The following ANO6 variants were observed in gnomAD, a reference collection of about 807,000 sequenced individuals.
ANO6 encodes anoctamin-6.
ANO6 carries 106 observed loss-of-function variants against 117.5 expected under a neutral mutation model. The observed-to-expected ratio is 0.90, with a 90% CI of 0.77 to 1.06. The LOEUF (loss-of-function observed/expected upper bound fraction) is 1.06. ANO6 is among the 50% of genes least tolerant of loss of function. ANO6 has a pLI of 0.00. For missense variants in ANO6, 955 were observed against 1,121.1 expected, an observed-to-expected ratio of 0.85 and a Z score of 2.12; for synonymous variants, 367 against 385.1, an observed-to-expected ratio of 0.95 and a Z score of 0.55.
rs948636227 is a variant in ANO6 at position 45,258,104 on chromosome 12, A to G, written c.70+41713A>G. 4.6e-5 allele frequency among the ~76,000 whole-genome samples: 7 copies of G among 152,348 alleles called. No homozygotes were observed. In the East Asian group the frequency reaches 1.3e-3, roughly 29 times the overall value. ...TGGAATCTCTCAGCTCTGCTATTAA[A>G]TACATATTAATCAGTCGTGTGGTGT... On this transcript the variant is annotated intron_variant, in intron 1 of 19. Coordinates refer to ENST00000320560, the MANE Select transcript of ANO6 (RefSeq NM_001025356.3).
chr12:45,416,640 A>G, intron 16 of ANO6, 59 bp from the exon 17 acceptor site: 1 of 1,547,822 alleles, frequency 6.5e-7, no homozygotes, highest in East Asian at 2.3e-5. Flanking sequence ...AGAGTAAAGG[A>G]AAATATGTTG....
chr12:45,378,642 A>G (rs1428851406), intron 10 of ANO6, among the ~76,000 whole-genome samples: 2 of 152,190 alleles, frequency 1.3e-5, no homozygotes, highest in East Asian at 1.9e-4. Context: ...AGTAAGTCAT[A>G]TGGCCAAACC....
chr12:45,398,568 T>C (rs2137616425), intron 12 of ANO6, among the ~76,000 whole-genome samples: 1 of 152,320 alleles, frequency 6.6e-6, no homozygotes, highest in African/African-American at 2.4e-5. Context: ...AAAAGTAAGA[T>C]TTTTTCACAT....
chr12:45,377,811 G>T (rs1270154903), intron 9 of ANO6, among the ~76,000 whole-genome samples: 1 of 152,174 alleles, frequency 6.6e-6, no homozygotes, highest in East Asian at 1.9e-4. Flanking sequence ...ATTGGGATAT[G>T]CAGAGTTTCA....
chr12:45,334,208 C>T lies in ANO6; in HGVS notation c.279+2785C>T, dbSNP rs187781044. On this transcript the variant is annotated intron_variant, in intron 3 of 19. Coordinates refer to ENST00000320560, the MANE Select transcript of ANO6 (RefSeq NM_001025356.3). Reference sequence around the variant, plus strand: ...GATTGTAAGTTGCTTCAGCAACAAACGCTCGTTTAGTCTGTACTGGGCTTG... The same window carrying T: ...GATTGTAAGTTGCTTCAGCAACAAATGCTCGTTTAGTCTGTACTGGGCTTG... 6.6e-5 allele frequency among the ~76,000 whole-genome samples: 10 copies of T among 152,154 alleles called. No homozygotes were observed. The East Asian group carries it at 1.4e-3, about 21-fold the overall frequency.
downstream of ANO6, among the ~76,000 whole-genome samples, chr12:45,433,486 A>T (rs887372358): frequency 2.6e-5 from 4 of 152,192 alleles, no homozygotes; most frequent in African/African-American, 9.7e-5. Flanking sequence ...ATGATGACAG[A>T]TAAATCCTGG....
chr12:45,327,517 CT>C (rs1160577195), intron 2 of ANO6, among the ~76,000 whole-genome samples: 1 of 152,200 alleles, frequency 6.6e-6, no homozygotes, highest in Non-Finnish European at 1.5e-5. Context: ...AAATTGGAGA[CT>C]ACTTCTGTGC....
At chr12:45,378,197 G>C in intron 10 of ANO6, 84 bp downstream of exon 10, 1 of 1,370,120 alleles carries the variant, frequency 7.3e-7, no homozygotes, top group Non-Finnish European at 1.0e-6. Context: ...CCCACTTTTA[G>C]GATCTTGTAT....
At chr12:45,361,403 T>C (rs148811651) in intron 8 of ANO6, among the ~76,000 whole-genome samples, 1 of 152,256 alleles carries the variant, frequency 6.6e-6, no homozygotes, top group African/African-American at 2.4e-5. Context: ...TGCTGCAACC[T>C]TGCTAAACTG....
intron 1 of ANO6, among the ~76,000 whole-genome samples, chr12:45,254,740 C>T (rs1168050913): frequency 6.6e-6 from 1 of 152,034 alleles, no homozygotes; most frequent in African/African-American, 2.4e-5. Flanking sequence ...GAAAATTTCC[C>T]AGAATTACAG....
At chr12:45,314,160 C>T (rs4768606) in intron 2 of ANO6, among the ~76,000 whole-genome samples, 137,914 of 152,018 alleles carry the variant, frequency 0.91, 63,440 homozygotes, top group Non-Finnish European at 0.99. Context: ...TTGTAGTTCT[C>T]GCCCTGGCTG....
chr12:45,368,723 G>A (rs182424013), intron 9 of ANO6, among the ~76,000 whole-genome samples: 1 of 152,270 alleles, frequency 6.6e-6, no homozygotes, highest in East Asian at 1.9e-4. Context: ...GTTCTACCAT[G>A]AGAGTTTAGG....
At chr12:45,423,349 G>C (rs1184517093) in intron 19 of ANO6, among the ~76,000 whole-genome samples, 1 of 152,190 alleles carries the variant, frequency 6.6e-6, no homozygotes, top group Non-Finnish European at 1.5e-5. Flanking sequence ...GGCTATGAAA[G>C]GGCTTATGCA....
intron 2 of ANO6, among the ~76,000 whole-genome samples, chr12:45,328,344 C>G (rs1054354253): frequency 6.6e-6 from 1 of 152,098 alleles, no homozygotes; most frequent in Non-Finnish European, 1.5e-5. Context: ...AGTCAGCCTT[C>G]CATACCTGCA....
chr12:45,298,055 C>T (rs953633929), intron 1 of ANO6, among the ~76,000 whole-genome samples: 3 of 152,180 alleles, frequency 2.0e-5, no homozygotes, highest in Admixed American at 6.5e-5. Flanking sequence ...TTTTGAACTG[C>T]ACTTTCATTG....
At position 45,421,221 on chromosome 12, in the gene ANO6, AAC is replaced by A; in HGVS notation, c.2370_2371del (p.Asn790LysfsTer9). The A allele has an allele frequency of 6.2e-7, 1 of 1,614,150 alleles. No homozygotes were observed. The highest frequency in any genetic ancestry group is 1.3e-5 in the African/African-American group (1 of 75,030). On this transcript the variant is annotated frameshift_variant, in exon 18 of 20. Transcript: ENST00000320560. LOFTEE classifies it high-confidence loss of function. ...CATCTTCAAAGTCGCAGACTTCAAA[AAC>A]AAAAGCAAGGGAAACCCGTACTCTG... ...LSIFKVADFK[N>X]KSKGNPYSDL...
rs191217531 is a variant in ANO6 at position 45,438,534 on chromosome 12, T to C, written c.2527-1141T>C. Among the ~76,000 whole-genome samples, 166 of 152,302 alleles carry C rather than the reference T, an allele frequency of 1.1e-3. 1 individual carries two copies. The highest frequency in any genetic ancestry group is 7.9e-4 in the Non-Finnish European group (54 of 68,020). On this transcript the variant is annotated intron_variant, in intron 19 of 19. Transcript: ENST00000425752. ...ATGCAGGCACCCAAAACACACTTTG[T>C]TCAGCATCCCCAAGAGAAAATAAAA...
At chr12:45,394,896 C>T (rs543210542) in intron 12 of ANO6, among the ~76,000 whole-genome samples, 10 of 152,212 alleles carry the variant, frequency 6.6e-5, no homozygotes, top group South Asian at 2.1e-4. Flanking sequence ...AAAGCAGGAA[C>T]GATCTAAAAT....
At position 45,438,762 on chromosome 12, in the gene ANO6, A is replaced by G. The variant is rs113210095; in HGVS notation, c.2527-913A>G. Among the ~76,000 whole-genome samples, 869 of 152,318 alleles carry G rather than the reference A, an allele frequency of 5.7e-3. 9 individuals are homozygous for G. Among genetic ancestry groups the G allele is most frequent in the African/African-American group, 0.02 (819 of 41,562 alleles). ...TAGTGTGACTAGTGTGCAAAAAGTG[A>G]TCAGAACTATAAATCCTGGTGTCAT... On this transcript the variant is annotated intron_variant, in intron 19 of 19. Coordinates refer to the ANO6 transcript ENST00000425752.
Sources: allele counts gnomAD v4.1 joint callset (sites outside exome capture counted in the v4.1 genomes callset), GRCh38; gene constraint gnomAD v4.1.1; transcripts MANE v1.5; gene names NCBI Gene and HGNC (gene_info 2026-07-23, HGNC 2026-07-21).